ELAPOR2: variants seen among roughly 807,000 people sequenced by gnomAD.
ELAPOR2 encodes endosome-lysosome associated apoptosis and autophagy regulator family member 2.
In ELAPOR2, 89 loss-of-function variants were observed where a neutral mutation model predicts 120.7. That is an observed-to-expected ratio of 0.74 (90% CI 0.62 to 0.88). The LOEUF is 0.88. ELAPOR2 is among the 40% of genes least tolerant of loss of function. The pLI is 0.00. For missense variants in ELAPOR2, 1,134 were observed against 1,251.6 expected (o/e 0.91, Z 1.42); for synonymous variants, 444 against 444.9 (o/e 1.00, Z 0.03).
At chr7:86,894,594 A>G (rs985052781) in intron 19 of ELAPOR2, among the ~76,000 whole-genome samples, 1 of 152,102 alleles carries the variant, frequency 6.6e-6, no homozygotes, top group African/African-American at 2.4e-5. Context: ...TAACTTTTCA[A>G]TAAGTGTCTC....
intron 4 of ELAPOR2, among the ~76,000 whole-genome samples, chr7:86,943,610 G>T (rs1017946313): frequency 3.9e-5 from 6 of 151,902 alleles, no homozygotes; most frequent in African/African-American, 1.5e-4. Context: ...ATGCCTTAAG[G>T]GTACCTTTAT....
At chr7:86,931,589 T>C (rs988918159) in intron 8 of ELAPOR2, among the ~76,000 whole-genome samples, 9 of 151,908 alleles carry the variant, frequency 5.9e-5, no homozygotes, top group Non-Finnish European at 1.2e-4. Flanking sequence ...AATGTGATAA[T>C]TACTCATTCA....
At chr7:86,891,460 G>T in intron 21 of ELAPOR2, 1 of 335,404 alleles carries the variant, frequency 3.0e-6, no homozygotes, top group East Asian at 5.3e-5. Context: ...ATCTTTAACA[G>T]CTGCAGAGTT....
chr7:87,006,984 T>C (rs1793503758), intron 1 of ELAPOR2, among the ~76,000 whole-genome samples: 1 of 152,116 alleles, frequency 6.6e-6, no homozygotes, highest in South Asian at 2.1e-4. Flanking sequence ...ATAATTCCAT[T>C]TATATAAAGT....
chr7:86,918,575 T>C (rs1805236668), intron 11 of ELAPOR2, 31 bp from the exon 12 acceptor site: 1 of 1,247,174 alleles, frequency 8.0e-7, no homozygotes, highest in South Asian at 1.2e-5. Flanking sequence ...GCAATATTTA[T>C]ACTATGTTCT....
chr7:86,944,680 C>G (rs1315669841), intron 4 of ELAPOR2, among the ~76,000 whole-genome samples: 1 of 151,906 alleles, frequency 6.6e-6, no homozygotes, highest in African/African-American at 2.4e-5. Context: ...CAATGTTATG[C>G]TGCAAGGTGA....
chr7:86,984,575 C>T (rs1792640693), intron 1 of ELAPOR2, among the ~76,000 whole-genome samples: 1 of 152,178 alleles, frequency 6.6e-6, no homozygotes, highest in South Asian at 2.1e-4. Context: ...CAACCTGCTC[C>T]TGAATGACTA....
At chr7:87,001,078 C>T (rs551091325) in intron 1 of ELAPOR2, among the ~76,000 whole-genome samples, 5 of 152,246 alleles carry the variant, frequency 3.3e-5, no homozygotes, top group African/African-American at 9.6e-5. Flanking sequence ...GGAAACCATC[C>T]TAACATAAAG....
At chr7:87,047,393 A>G (rs1794984581) in intron 1 of ELAPOR2, among the ~76,000 whole-genome samples, 1 of 152,210 alleles carries the variant, frequency 6.6e-6, no homozygotes, top group Admixed American at 6.5e-5. Flanking sequence ...AACAAAGTGA[A>G]GAGATAACCT....
chr7:86,925,792 C>T, intron 9 of ELAPOR2, 136 bp from the exon 10 acceptor site: 1 of 761,526 alleles, frequency 1.3e-6, no homozygotes, highest in South Asian at 1.6e-5. Context: ...TACCAGTTCC[C>T]TCAGGATGTA....
chr7:87,059,052 G>A (rs1254923128), intron 1 of ELAPOR2, among the ~76,000 whole-genome samples: 2 of 151,624 alleles, frequency 1.3e-5, no homozygotes, highest in Middle Eastern at 3.2e-3. Context: ...CTCAAACCTG[G>A]CTGTCCAAAA....
intron 21 of ELAPOR2, among the ~76,000 whole-genome samples, chr7:86,889,591 G>A (rs1788038157): frequency 6.6e-6 from 1 of 151,980 alleles, no homozygotes; most frequent in South Asian, 2.1e-4. Context: ...AGGCAGTACA[G>A]TAGGAGATTT....
intron 1 of ELAPOR2, among the ~76,000 whole-genome samples, chr7:86,971,107 T>G (rs1308399613): frequency 6.6e-6 from 1 of 152,086 alleles, no homozygotes; most frequent in Admixed American, 6.6e-5. Context: ...TCAATCGCTG[T>G]AAAAAAACAG....
At chr7:87,041,684 T>G (rs1221481980) in intron 1 of ELAPOR2, among the ~76,000 whole-genome samples, 1 of 150,164 alleles carries the variant, frequency 6.7e-6, no homozygotes, top group Admixed American at 6.6e-5. Flanking sequence ...CCATCGAGAC[T>G]AGGAAGAAAC....
intron 18 of ELAPOR2, among the ~76,000 whole-genome samples, chr7:86,905,845 T>C (rs1400754332): frequency 1.3e-5 from 2 of 152,162 alleles, no homozygotes; most frequent in Admixed American, 6.6e-5. Context: ...GCAAAGATAG[T>C]TTACTTCCCT....
chr7:86,880,243 C>A lies in ELAPOR2; in HGVS notation c.*228G>T. 1 of 556,846 alleles carries A rather than the reference C, an allele frequency of 1.8e-6. No individual in the cohort carries two copies. Among genetic ancestry groups the A allele is most frequent in the Non-Finnish European group, 3.2e-6 (1 of 315,312 alleles). 34.5% of individuals were successfully genotyped at this position (556,846 alleles called of 1,614,324 possible). ...CAGATAAATCTCTTCCTGAGTTGAG[C>A]TTCATCTTCAGTTGAGACCCAAATC... On this transcript the variant is annotated 3_prime_UTR_variant, in exon 22 of 22. Transcript: ENST00000450689.
chr7:86,913,430 C>T (rs921688458), intron 13 of ELAPOR2, among the ~76,000 whole-genome samples: 1 of 152,120 alleles, frequency 6.6e-6, no homozygotes, highest in Non-Finnish European at 1.5e-5. Context: ...AGGAGTTTTG[C>T]CACAATTACT....
At chr7:86,898,656 G>C (rs1788563358) in intron 18 of ELAPOR2, among the ~76,000 whole-genome samples, 2 of 149,564 alleles carry the variant, frequency 1.3e-5, no homozygotes, top group African/African-American at 4.9e-5. Context: ...AGCCAGAATA[G>C]AAAAGAAGAA....
intron 10 of ELAPOR2, chr7:86,919,740 CCT>C (rs377367073): frequency 1.3e-5 from 2 of 152,946 alleles, no homozygotes; most frequent in African/African-American, 4.8e-5. Context: ...TAATTTAACC[CCT>C]GTTCTGCATT....
Sources: gnomAD v4.1 joint callset for allele counts (sites outside exome capture counted in the v4.1 genomes callset) on GRCh38, gnomAD v4.1.1 for gene constraint, MANE v1.5 for transcripts, NCBI Gene and HGNC (gene_info 2026-07-23, HGNC 2026-07-21) for gene names.